RIMBP2: variants seen among roughly 807,000 people sequenced by gnomAD.
RIMBP2 encodes RIMS binding protein 2, also known as RIMS-binding protein 2.
In RIMBP2, 48 loss-of-function variants were observed where a neutral mutation model predicts 118.6. The observed-to-expected ratio is 0.40, with a 90% confidence interval of 0.32 to 0.51. RIMBP2 has a LOEUF of 0.51. RIMBP2 is among the 20% of genes least tolerant of loss of function. The pLI is 0.41. For synonymous variants in RIMBP2, 762 were observed against 742.9 expected (o/e 1.03, Z -0.42); for missense variants, 1,551 against 1,768.3 (o/e 0.88, Z 2.20).
At chr12:130,488,568 G>A (rs889044402) in intron 4 of RIMBP2, among the ~76,000 whole-genome samples, 1 of 152,164 alleles carries the variant, frequency 6.6e-6, no homozygotes, top group Non-Finnish European at 1.5e-5. Context: ...TCTGCACAGC[G>A]TTACTTTTCT....
At position 130,664,379 on chromosome 12, in the gene RIMBP2, GCACGCGCATGCACA is replaced by G. The variant is rs1278697273; in HGVS notation, c.-351-35937_-351-35924del. On this transcript the variant is annotated intron_variant, in intron 1 of 22. Coordinates refer to ENST00000690449, the MANE Select transcript of RIMBP2 (RefSeq NM_001393629.1). ...CACACACATATGCACGTGCATGCAC[GCACGCGCATGCACA>G]CACACGCACGCACGCACGCACACAC... Among the ~76,000 whole-genome samples the G allele has an allele frequency of 3.7e-3, 468 of 127,124 alleles. 11 individuals carry two copies. The highest frequency in any genetic ancestry group is 6.5e-3 in the East Asian group (28 of 4,278). The allele number at this position is 127,124 out of a possible 152,430, so 83.4% of individuals were successfully genotyped here.
chr12:130,399,156 C>T, intron 22 of RIMBP2: 1 of 1,391,160 alleles, frequency 7.2e-7, no homozygotes. Context: ...AATGAACACT[C>T]TTCTTCTGTT....
At chr12:130,611,833 A>G (rs1327900240) in intron 2 of RIMBP2, among the ~76,000 whole-genome samples, 1 of 152,120 alleles carries the variant, frequency 6.6e-6, no homozygotes, top group Non-Finnish European at 1.5e-5. Context: ...CTGTTACACG[A>G]AGGCTGTGGT....
chr12:130,597,209 A>G (rs943428827), intron 2 of RIMBP2, among the ~76,000 whole-genome samples: 3 of 152,200 alleles, frequency 2.0e-5, no homozygotes, highest in Non-Finnish European at 2.9e-5. Flanking sequence ...AAATCCAACA[A>G]TATATTCAAA....
intron 2 of RIMBP2, among the ~76,000 whole-genome samples, chr12:130,522,839 A>C (rs1436304944): frequency 1.3e-5 from 2 of 152,082 alleles, no homozygotes; most frequent in Non-Finnish European, 2.9e-5. Context: ...GGGTGACTCT[A>C]TTTGGAGATG....
chr12:130,547,613 C>A (rs547458143), intron 2 of RIMBP2, among the ~76,000 whole-genome samples: 1 of 152,340 alleles, frequency 6.6e-6, no homozygotes, highest in African/African-American at 2.4e-5. Context: ...TTACATCGAT[C>A]CCTGCTGCAA....
chr12:130,549,573 C>T, intron 2 of RIMBP2, among the ~76,000 whole-genome samples: 1 of 152,230 alleles, frequency 6.6e-6, no homozygotes, highest in Non-Finnish European at 1.5e-5. Flanking sequence ...GTGTTCTCAT[C>T]ATTTAGCTCC....
chr12:130,555,995 C>T (rs1307520024), intron 2 of RIMBP2, among the ~76,000 whole-genome samples: 13 of 152,306 alleles, frequency 8.5e-5, no homozygotes, highest in Admixed American at 6.5e-4. Flanking sequence ...TCATGGCAAC[C>T]ACATGGCATG....
Position 130,578,074 on chromosome 12 carries a change from T to A in RIMBP2, c.-217+50248A>T, listed in dbSNP as rs2058212335. Reference sequence around the variant, plus strand: ...TCTTCTCTGAAAGGCAGATGTGAACTGGATGGTTTCACATTAAGCCATTAT... The same window carrying A: ...TCTTCTCTGAAAGGCAGATGTGAACAGGATGGTTTCACATTAAGCCATTAT... On this transcript the variant is annotated intron_variant, in intron 2 of 22. Coordinates refer to ENST00000690449, the MANE Select transcript of RIMBP2 (RefSeq NM_001393629.1). The surrounding 1 kb of genome is among the most constrained non-coding windows in gnomAD (Gnocchi z 4.1). Among the ~76,000 whole-genome samples the A allele has an allele frequency of 6.6e-6, 1 of 152,226 alleles. No homozygotes were observed. The highest frequency in any genetic ancestry group is 1.5e-5 in the Non-Finnish European group (1 of 68,044).
At chr12:130,594,368 G>A (rs1257915812) in intron 2 of RIMBP2, among the ~76,000 whole-genome samples, 3 of 152,160 alleles carry the variant, frequency 2.0e-5, no homozygotes, top group African/African-American at 7.2e-5. Flanking sequence ...TTGTAAACAA[G>A]ACAGAAGATA....
chr12:130,432,505 CCTTA>C, intron 14 of RIMBP2, among the ~76,000 whole-genome samples: 1 of 152,186 alleles, frequency 6.6e-6, no homozygotes, highest in East Asian at 1.9e-4. Context: ...GAAGTTGAAA[CCTTA>C]ACCCCCAGTG....
intron 1 of RIMBP2, among the ~76,000 whole-genome samples, chr12:130,694,669 G>A (rs1417602997): frequency 2.6e-5 from 4 of 152,162 alleles, no homozygotes; most frequent in Non-Finnish European, 5.9e-5. Flanking sequence ...CCCTGGACTG[G>A]CTTAGTCCCC....
chr12:130,562,085 T>C (rs2056864329), intron 2 of RIMBP2, among the ~76,000 whole-genome samples: 1 of 152,316 alleles, frequency 6.6e-6, no homozygotes, highest in East Asian at 1.9e-4. Context: ...GGGAGATATA[T>C]CATCAATTTT....
chr12:130,404,514 G>A (rs977384442), intron 21 of RIMBP2, among the ~76,000 whole-genome samples: 1 of 152,148 alleles, frequency 6.6e-6, no homozygotes, highest in African/African-American at 2.4e-5. Context: ...TGGCCAGGCT[G>A]ATATCGAATG....
chr12:130,676,236 G>A (rs1040569669), intron 1 of RIMBP2, among the ~76,000 whole-genome samples: 7 of 150,686 alleles, frequency 4.6e-5, no homozygotes, highest in Non-Finnish European at 5.9e-5. Flanking sequence ...ACAAAAACCT[G>A]TAGGTGAATT....
At chr12:130,555,255 A>T (rs913232322) in intron 2 of RIMBP2, among the ~76,000 whole-genome samples, 3 of 152,192 alleles carry the variant, frequency 2.0e-5, no homozygotes, top group East Asian at 1.9e-4. Context: ...GAACAATCAG[A>T]TTCAGGAGAA....
At chr12:130,612,113 C>G (rs1350126447) in intron 2 of RIMBP2, among the ~76,000 whole-genome samples, 1 of 152,060 alleles carries the variant, frequency 6.6e-6, no homozygotes, top group South Asian at 2.1e-4. Context: ...CATCACACAG[C>G]ACAGCTCAGA....
At chr12:130,518,780 G>T (rs2051755947) in intron 2 of RIMBP2, among the ~76,000 whole-genome samples, 1 of 152,150 alleles carries the variant, frequency 6.6e-6, no homozygotes, top group Admixed American at 6.5e-5. Context: ...ACAGAGATGG[G>T]ATTAAGAATC....
intron 19 of RIMBP2, among the ~76,000 whole-genome samples, chr12:130,408,762 C>G (rs957643862): frequency 3.3e-5 from 5 of 152,214 alleles, no homozygotes; most frequent in Non-Finnish European, 7.3e-5. Flanking sequence ...CCACTTTTTG[C>G]TTACATTTGA....
Sources: allele counts gnomAD v4.1 joint callset (sites outside exome capture counted in the v4.1 genomes callset), GRCh38; gene constraint gnomAD v4.1.1; non-coding constraint Gnocchi (gnomAD v3.1); transcripts MANE v1.5; gene names NCBI Gene and HGNC (gene_info 2026-07-23, HGNC 2026-07-21).